ADAMTS2: variants seen among roughly 807,000 people sequenced by gnomAD.
ADAMTS2 encodes ADAM metallopeptidase with thrombospondin type 1 motif 2.
In ADAMTS2, 50 loss-of-function variants were observed where a neutral mutation model predicts 123.0. The ratio of observed to expected loss-of-function variants is 0.41; its 90% CI spans 0.32 to 0.51. The LOEUF is 0.51. Ranked by LOEUF, ADAMTS2 falls within the 20% of genes least tolerant of loss-of-function variation. The pLI is 0.35. For synonymous variants in ADAMTS2, 678 were observed against 695.4 expected (o/e 0.98, Z 0.39); for missense variants, 1,494 against 1,705.2 (o/e 0.88, Z 2.18).
At chr5:179,123,462 G>A (rs750542460) in intron 19 of ADAMTS2, among the ~76,000 whole-genome samples, 5 of 152,208 alleles carry the variant, frequency 3.3e-5, no homozygotes, top group Non-Finnish European at 2.9e-5. Context: ...ATCTCGCTGT[G>A]TGGCCCAGGC....
rs1490143493 is a variant in ADAMTS2 at position 179,188,362 on chromosome 5, G to A, written c.892-7207C>T. Reference sequence around the variant, plus strand: ...CTGTGCCCCTTCGGAGGCCAGGCTTGGACCACCAGGATGGAGGCAGAGAAG... The same window carrying A: ...CTGTGCCCCTTCGGAGGCCAGGCTTAGACCACCAGGATGGAGGCAGAGAAG... On this transcript the variant is annotated intron_variant, in intron 4 of 21. Transcript: ENST00000251582. The surrounding 1 kb of genome is among the most constrained non-coding windows in gnomAD (Gnocchi z 5.1). Among the ~76,000 whole-genome samples, 1 of 152,176 alleles carries A rather than the reference G, an allele frequency of 6.6e-6. No homozygotes were observed. The highest frequency in any genetic ancestry group is 6.5e-5 in the Admixed American group (1 of 15,288).
At chr5:179,269,215 G>C (rs1019217850) in intron 3 of ADAMTS2, among the ~76,000 whole-genome samples, 2 of 152,172 alleles carry the variant, frequency 1.3e-5, no homozygotes, top group Admixed American at 1.3e-4. Flanking sequence ...GGAGCCTCTG[G>C]AGGGAGCACA....
At chr5:179,200,928 C>T (rs1764548675) in intron 4 of ADAMTS2, among the ~76,000 whole-genome samples, 1 of 152,152 alleles carries the variant, frequency 6.6e-6, no homozygotes, top group African/African-American at 2.4e-5. Flanking sequence ...TAAAACACCC[C>T]CAAATCCCAG....
chr5:179,198,808 C>T (rs552329108), intron 4 of ADAMTS2, among the ~76,000 whole-genome samples: 28 of 150,854 alleles, frequency 1.9e-4, no homozygotes, highest in South Asian at 6.4e-4. Flanking sequence ...CACTCCAGCC[C>T]GGGCGACAGA....
chr5:179,129,801 C>T lies in ADAMTS2; in HGVS notation c.2457+131G>A. 1.6e-6 allele frequency: 2 copies of T among 1,277,682 alleles called. No homozygotes were observed. Among genetic ancestry groups the T allele is most frequent in the South Asian group, 2.8e-5 (2 of 72,718 alleles). The allele number at this position is 1,277,682 out of a possible 1,614,324, so 79.1% of individuals were successfully genotyped here. ...CTGACCAAGTCGGAGCCCCTTGGTGCCAAAGGCAGGCCAAAGGGGCCACGC... is the reference window on the plus strand; with the variant it reads ...CTGACCAAGTCGGAGCCCCTTGGTGTCAAAGGCAGGCCAAAGGGGCCACGC... On this transcript the variant is annotated intron_variant, in intron 16 of 21. Transcript: ENST00000251582. This position sits in a 1 kb window ranked among gnomAD's most constrained non-coding sequence, Gnocchi z 4.1.
Position 179,345,352 on chromosome 5 carries a change from C to A in ADAMTS2, c.-24G>T. On this transcript the variant is annotated 5_prime_UTR_variant, in exon 1 of 22. Coordinates refer to ENST00000251582, the MANE Select transcript of ADAMTS2 (RefSeq NM_014244.5). The surrounding 1 kb of genome is among the most constrained non-coding windows in gnomAD (Gnocchi z 7.5). ...ATGGCAGCCGGACTGCAGCCGGGGC[C>A]CCGCACTCGCAGCCGGCGCGAAAGT... 2.7e-6 allele frequency: 3 copies of A among 1,131,088 alleles called. No individual in the cohort carries two copies. Among genetic ancestry groups the A allele is most frequent in the Non-Finnish European group, 3.2e-6 (3 of 923,454 alleles). The allele number at this position is 1,131,088 out of a possible 1,614,324, so 70.1% of individuals were successfully genotyped here. A position where few individuals can be genotyped will look rare whatever the true frequency, so the allele number is the denominator to read the frequency against.
intron 6 of ADAMTS2, among the ~76,000 whole-genome samples, chr5:179,157,457 C>G (rs1036887310): frequency 1.4e-4 from 22 of 151,862 alleles, no homozygotes; most frequent in Non-Finnish European, 2.9e-4. Flanking sequence ...TAGTTTCAGT[C>G]TTTTTAACCT....
intron 2 of ADAMTS2, among the ~76,000 whole-genome samples, chr5:179,287,091 C>T (rs1756041877): frequency 1.3e-5 from 2 of 152,168 alleles, no homozygotes; most frequent in South Asian, 4.1e-4. Context: ...GCGCCAAGTC[C>T]ACACAGAATC....
At chr5:179,341,544 A>T (rs411879) in intron 2 of ADAMTS2, among the ~76,000 whole-genome samples, 21,698 of 116,202 alleles carry the variant, frequency 0.19, 1,554 homozygotes, top group South Asian at 0.29. Flanking sequence ...ACTAAAAATT[A>T]AAAAAAAAAT....
rs1292525926 is a variant in ADAMTS2 at position 179,185,318 on chromosome 5, G to A, written c.892-4163C>T. On this transcript the variant is annotated intron_variant, in intron 4 of 21. Transcript: ENST00000251582. The surrounding 1 kb of genome is among the most constrained non-coding windows in gnomAD (Gnocchi z 5.9). ...GCTTTGGGGATGAGTGCAGAGAAGGGACGGATGTGAGGGATGATGTGGATT... is the reference window on the plus strand; with the variant it reads ...GCTTTGGGGATGAGTGCAGAGAAGGAACGGATGTGAGGGATGATGTGGATT... Among the ~76,000 whole-genome samples the A allele has an allele frequency of 6.6e-6, 1 of 152,222 alleles. No homozygotes were observed. The highest frequency in any genetic ancestry group is 1.5e-5 in the Non-Finnish European group (1 of 68,040).
intron 2 of ADAMTS2, among the ~76,000 whole-genome samples, chr5:179,295,236 C>T (rs904690617): frequency 5.3e-5 from 8 of 152,276 alleles, no homozygotes; most frequent in South Asian, 2.1e-4. Flanking sequence ...TCTGGGCTGG[C>T]GGGTCTCTGT....
At chr5:179,298,312 GA>G in intron 2 of ADAMTS2, among the ~76,000 whole-genome samples, 1 of 152,286 alleles carries the variant, frequency 6.6e-6, no homozygotes, top group African/African-American at 2.4e-5. Context: ...GTGATGGTGT[GA>G]AGCGGGCCTT....
intron 5 of ADAMTS2, among the ~76,000 whole-genome samples, chr5:179,167,570 C>T (rs898681615): frequency 2.6e-5 from 4 of 152,130 alleles, no homozygotes; most frequent in African/African-American, 9.6e-5. Context: ...GAGGCCGCCT[C>T]CGCTGGAACC....
At chr5:179,187,635 C>T (rs930370288) in intron 4 of ADAMTS2, among the ~76,000 whole-genome samples, 7 of 152,176 alleles carry the variant, frequency 4.6e-5, no homozygotes, top group African/African-American at 1.4e-4. Context: ...TCCGCATCCA[C>T]CCTACCCAAG....
intron 2 of ADAMTS2, among the ~76,000 whole-genome samples, chr5:179,299,346 G>A (rs775832650): frequency 1.3e-3 from 21 of 16,708 alleles, no homozygotes; most frequent in South Asian, 2.7e-3. Flanking sequence ...TGGCTAACAC[G>A]GTGAAATCCT....
Position 179,153,529 on chromosome 5 carries a change from G to C in ADAMTS2, c.1477C>G (p.Arg493Gly), listed in dbSNP as rs779902229. The C allele has an allele frequency of 2.5e-6, 4 of 1,610,792 alleles. No individual in the cohort carries two copies. The highest frequency in any genetic ancestry group is 2.5e-6 in the Non-Finnish European group (3 of 1,179,894). Residue 493 changes from arginine to glycine, a missense_variant, in exon 9 of 22, where the codon CGC (arginine) becomes GGC (glycine). Arg to Gly is a moderately radical substitution (Grantham distance 125). Around this residue, in one of 6 missense-constraint regions of ADAMTS2, gnomAD observed 953 missense variants for 1,124.7 expected, o/e 0.85. Transcript: ENST00000251582. ...GLHYSMNEQC[R>G]FDFGLGYMMC... The stretch of plus-strand genomic sequence containing the variant: ...ATGTAGCCCAGGCCGAAGTCAAAGC[G>C]GCATTGCTCGTTCATGGAGTAGTGC...
At position 179,228,062 on chromosome 5, in the gene ADAMTS2, C is replaced by T. The variant is rs987562675; in HGVS notation, c.689-20347G>A. Among the ~76,000 whole-genome samples the T allele has an allele frequency of 3.3e-5, 5 of 152,104 alleles. No individual in the cohort carries two copies. Among genetic ancestry groups the T allele is most frequent in the East Asian group, 1.9e-4 (1 of 5,178 alleles). ...GAGCCGCGTGGGAGGAGGAGAAGGC[C>T]GTGTGGGGCGTGTTGGGCTGAGATT... On this transcript the variant is annotated intron_variant, in intron 3 of 21. Coordinates refer to ENST00000251582, the MANE Select transcript of ADAMTS2 (RefSeq NM_014244.5). This position sits in a 1 kb window ranked among gnomAD's most constrained non-coding sequence, Gnocchi z 5.2.
At chr5:179,293,026 G>A (rs1756230964) in intron 2 of ADAMTS2, among the ~76,000 whole-genome samples, 1 of 152,208 alleles carries the variant, frequency 6.6e-6, no homozygotes, top group Admixed American at 6.5e-5. Flanking sequence ...GTTGTTGGGG[G>A]GAGAGGGTGG....
At chr5:179,156,609 C>G (rs1303013086) in intron 6 of ADAMTS2, among the ~76,000 whole-genome samples, 1 of 152,138 alleles carries the variant, frequency 6.6e-6, no homozygotes, top group Non-Finnish European at 1.5e-5. Flanking sequence ...CTGCCCGCCT[C>G]GGCCTCCCAC....
Sources: gnomAD v4.1 joint callset for allele counts (sites outside exome capture counted in the v4.1 genomes callset) on GRCh38, gnomAD v4.1.1 for gene constraint, gnomAD v4.1.1 regional missense constraint, Gnocchi (gnomAD v3.1) non-coding constraint, MANE v1.5 for transcripts, NCBI Gene and HGNC (gene_info 2026-07-23, HGNC 2026-07-21) for gene names.